RBFOX1: variants seen among roughly 807,000 people sequenced by gnomAD.
RBFOX1 encodes the protein RNA binding protein fox-1 homolog 1.
In RBFOX1, 8 loss-of-function variants were observed where a neutral mutation model predicts 57.7. The ratio of observed to expected loss-of-function variants is 0.14; its 90% CI spans 0.08 to 0.25. The LOEUF is 0.25. Among genes scored for constraint, RBFOX1 ranks in the 10% least tolerant of loss-of-function variants. The pLI is 1.00. For missense variants in RBFOX1, 611 were observed against 548.5 expected (o/e 1.11, Z -1.14); for synonymous variants, 326 against 222.4 (o/e 1.47, Z -4.15).
At chr16:7,388,900 C>T (rs1306959609) in intron 4 of RBFOX1, among the ~76,000 whole-genome samples, 5 of 152,118 alleles carry the variant, frequency 3.3e-5, no homozygotes, top group South Asian at 2.1e-4. Context: ...TTTCAACTCA[C>T]GATGAGTTTA....
intron 4 of RBFOX1, among the ~76,000 whole-genome samples, chr16:7,316,987 A>ACACACAAAC (rs1568178930): frequency 4.8e-4 from 22 of 45,856 alleles, no homozygotes; most frequent in African/African-American, 8.5e-4. Flanking sequence ...CACACACACA[A>ACACACAAAC]ACACACACAC....
At chr16:7,573,414 C>T (rs2092995535) in intron 5 of RBFOX1, among the ~76,000 whole-genome samples, 2 of 152,158 alleles carry the variant, frequency 1.3e-5, no homozygotes, top group South Asian at 4.2e-4. Context: ...CCACCTCTAA[C>T]ATCCTTACTT....
intron 2 of RBFOX1, among the ~76,000 whole-genome samples, chr16:6,562,425 A>G (rs925091334): frequency 7.2e-5 from 11 of 152,236 alleles, no homozygotes; most frequent in Admixed American, 2.0e-4. Context: ...AATAGGCATC[A>G]TCAACTTTTG....
chr16:5,416,061 C>T (rs185357026), intron 1 of RBFOX1, among the ~76,000 whole-genome samples: 21 of 152,260 alleles, frequency 1.4e-4, no homozygotes, highest in East Asian at 7.7e-4. Flanking sequence ...GGCTAAGGAA[C>T]GGGGCTGAAA....
chr16:5,678,246 G>C (rs1248119946), intron 3 of RBFOX1, among the ~76,000 whole-genome samples: 2 of 152,168 alleles, frequency 1.3e-5, no homozygotes, highest in African/African-American at 4.8e-5. Flanking sequence ...AGGAGCACCA[G>C]CCAGTCAGTG....
At chr16:6,866,671 A>C (rs1033799921) in intron 3 of RBFOX1, among the ~76,000 whole-genome samples, 7 of 150,046 alleles carry the variant, frequency 4.7e-5, no homozygotes, top group Non-Finnish European at 8.8e-5. Context: ...CCTTCCGAGT[A>C]GCTGGGACTA....
chr16:6,056,295 A>G (rs2095613696), intron 1 of RBFOX1, among the ~76,000 whole-genome samples: 1 of 152,028 alleles, frequency 6.6e-6, no homozygotes, highest in Non-Finnish European at 1.5e-5. Flanking sequence ...TGTCAACGAT[A>G]TTGTCTTTCA....
intron 1 of RBFOX1, among the ~76,000 whole-genome samples, chr16:6,095,051 C>T (rs1457351358): frequency 6.6e-6 from 1 of 152,110 alleles, no homozygotes; most frequent in African/African-American, 2.4e-5. Flanking sequence ...CAGAGTGATA[C>T]TCCATCTCAA....
chr16:5,246,456 T>C (rs1326899467), intron 1 of RBFOX1, among the ~76,000 whole-genome samples: 1 of 152,078 alleles, frequency 6.6e-6, no homozygotes, highest in Non-Finnish European at 1.5e-5. Context: ...TATTTTTTTG[T>C]GGTGAGAACA....
In RBFOX1 at chr16:6,562,877, TTTC is replaced by T. The variant is rs1200512435; in HGVS notation, c.-63-91723_-63-91721del. Among the ~76,000 whole-genome samples the T allele has an allele frequency of 6.2e-4, 40 of 64,804 alleles. 1 individual carries two copies. The highest frequency in any genetic ancestry group is 1.8e-3 in the African/African-American group (21 of 11,958). The allele number at this position is 64,804 out of a possible 152,430, so 42.5% of individuals were successfully genotyped here. A position where few individuals can be genotyped will look rare whatever the true frequency, so the allele number is the denominator to read the frequency against. On this transcript the variant is annotated intron_variant, in intron 2 of 15. Coordinates refer to ENST00000550418, the MANE Select transcript of RBFOX1 (RefSeq NM_018723.4). The stretch of plus-strand genomic sequence containing the variant: ...CTTTCTTTCTTTCTTTCTTTCTTTC[TTTC>T]TTTTTTTTTTTTTTTTTTGCATAGT...
At chr16:7,285,075 CTTTTTTT>C (rs58959488) in intron 4 of RBFOX1, among the ~76,000 whole-genome samples, 72 of 42,730 alleles carry the variant, frequency 1.7e-3, no homozygotes, top group African/African-American at 4.4e-3. Context: ...AGATTCCTTA[CTTTTTTT>C]TTTTTTTTTT....
At chr16:6,964,131 C>G (rs748136911) in intron 3 of RBFOX1, among the ~76,000 whole-genome samples, 1 of 152,156 alleles carries the variant, frequency 6.6e-6, no homozygotes, top group East Asian at 1.9e-4. Context: ...GATTCTCCTG[C>G]CTCAGCCTCC....
At chr16:6,865,892 G>T (rs1477233568) in intron 3 of RBFOX1, among the ~76,000 whole-genome samples, 2 of 152,042 alleles carry the variant, frequency 1.3e-5, no homozygotes, top group Non-Finnish European at 2.9e-5. Flanking sequence ...TGCCTTCTAA[G>T]TAACTTAGTG....
chr16:7,191,314 G>A (rs895102729), intron 4 of RBFOX1, among the ~76,000 whole-genome samples: 7 of 147,458 alleles, frequency 4.7e-5, no homozygotes, highest in East Asian at 2.0e-4. Flanking sequence ...CTAATAAGAC[G>A]TATAATCCGT....
chr16:6,729,291 T>C (rs182922837), intron 3 of RBFOX1, among the ~76,000 whole-genome samples: 2 of 152,288 alleles, frequency 1.3e-5, no homozygotes, highest in East Asian at 3.9e-4. Flanking sequence ...GATCAAGATT[T>C]GTTTAGAAGC....
At chr16:5,795,367 G>C (rs1188232561) in intron 3 of RBFOX1, among the ~76,000 whole-genome samples, 2 of 151,870 alleles carry the variant, frequency 1.3e-5, no homozygotes, top group African/African-American at 4.8e-5. Context: ...GCAGTGGCGA[G>C]ATCATGGCTC....
At chr16:7,358,499 C>T (rs1379698999) in intron 4 of RBFOX1, among the ~76,000 whole-genome samples, 2 of 152,126 alleles carry the variant, frequency 1.3e-5, no homozygotes, top group Admixed American at 1.3e-4. Context: ...CAGCTCACTG[C>T]AACCTCCACC....
Position 6,920,089 on chromosome 16 carries a change from C to G in RBFOX1, c.-15-131968C>G, listed in dbSNP as rs375309535. ...TTAGAATAATGGCATCCAACTCCAT[C>G]CAAGTTGCTGCATAGGCCATTATTT... On this transcript the variant is annotated intron_variant, in intron 3 of 15. Coordinates refer to ENST00000550418, the MANE Select transcript of RBFOX1 (RefSeq NM_018723.4). Among the ~76,000 whole-genome samples the G allele has an allele frequency of 7.9e-5, 12 of 152,252 alleles. No individual in the cohort carries two copies. In the East Asian group the frequency reaches 1.5e-3, roughly 20 times the overall value.
At chr16:7,700,932 GT>G (rs2080477808) in intron 14 of RBFOX1, among the ~76,000 whole-genome samples, 1 of 152,156 alleles carries the variant, frequency 6.6e-6, no homozygotes, top group South Asian at 2.1e-4. Context: ...ATGCCACAGT[GT>G]TGGATTTGTG....
Sources: gnomAD v4.1 joint callset for allele counts (sites outside exome capture counted in the v4.1 genomes callset) on GRCh38, gnomAD v4.1.1 for gene constraint, MANE v1.5 for transcripts, NCBI Gene and HGNC (gene_info 2026-07-23, HGNC 2026-07-21) for gene names.